ZNF721: variants seen among roughly 807,000 people sequenced by gnomAD.
ZNF721 encodes the protein zinc finger protein 721.
In ZNF721, 2 loss-of-function variants were observed where a neutral mutation model predicts 2.4. The ratio of observed to expected loss-of-function variants is 0.82; its 90% CI spans 0.34 to 2.58. The LOEUF (loss-of-function observed/expected upper bound fraction) is 2.58, where lower values mean the gene tolerates loss of function less well. ZNF721 is among the 30% of genes most tolerant of loss of function. The pLI, the probability that ZNF721 is intolerant of heterozygous loss-of-function variation, is 0.11. For synonymous variants in ZNF721, 398 were observed against 381.8 expected (o/e 1.04, Z -0.50); for missense variants, 1,187 against 1,085.5 (o/e 1.09, Z -1.31).
At chr4:450,957 ATATATATATAT>A (rs1315761822) in intron 2 of ZNF721, among the ~76,000 whole-genome samples, 1,145 of 33,578 alleles carry the variant, frequency 0.034, 61 homozygotes, top group East Asian at 0.071. Context: ...AAAAAAAAAA[ATATATATATAT>A]ATATATATAT....
chr4:460,105 C>T (rs1292364686), intron 2 of ZNF721, among the ~76,000 whole-genome samples: 3 of 152,118 alleles, frequency 2.0e-5, no homozygotes, highest in South Asian at 2.1e-4. Context: ...TAATAGACAT[C>T]GACAGAACTC....
At chr4:482,632 G>A (rs1715798477) in intron 1 of ZNF721, among the ~76,000 whole-genome samples, 1 of 151,836 alleles carries the variant, frequency 6.6e-6, no homozygotes, top group Admixed American at 6.6e-5. Context: ...GAGTGGCTGG[G>A]ACTACAAGCG....
At chr4:463,354 C>A (rs1715129374) in intron 2 of ZNF721, among the ~76,000 whole-genome samples, 1 of 152,136 alleles carries the variant, frequency 6.6e-6, no homozygotes, top group South Asian at 2.1e-4. Flanking sequence ...GTGGCGATTC[C>A]TCAAGGATCT....
At chr4:458,200 G>T (rs1714903455) in intron 2 of ZNF721, among the ~76,000 whole-genome samples, 1 of 152,218 alleles carries the variant, frequency 6.6e-6, no homozygotes, top group South Asian at 2.1e-4. Flanking sequence ...CTCAGTGCCA[G>T]TCATATTGAT....
At chr4:481,089 T>C (rs1715760181) in intron 1 of ZNF721, among the ~76,000 whole-genome samples, 2 of 152,062 alleles carry the variant, frequency 1.3e-5, no homozygotes. Context: ...ACCTGGCTGA[T>C]TTTTGTATTT....
In ZNF721 at chr4:441,586, G is replaced by A. The variant is rs1395029226; in HGVS notation, c.*109C>T. Reference sequence around the variant, plus strand: ...TATCTTATGATTAGAAAGGATTGAGGAGCATTTAAAGACCGCGACATTCGT... The same window carrying A: ...TATCTTATGATTAGAAAGGATTGAGAAGCATTTAAAGACCGCGACATTCGT... On this transcript the variant is annotated 3_prime_UTR_variant, in exon 3 of 3. Coordinates refer to ENST00000511833, the MANE Select transcript of ZNF721 (RefSeq NM_133474.4). The A allele has an allele frequency of 1.2e-6, 1 of 861,522 alleles. No individual in the cohort carries two copies. Among genetic ancestry groups the A allele is most frequent in the Non-Finnish European group, 1.8e-6 (1 of 570,144 alleles). 53.4% of individuals were successfully genotyped at this position (861,522 alleles called of 1,614,324 possible).
At chr4:462,102 A>G (rs911837466) in intron 2 of ZNF721, among the ~76,000 whole-genome samples, 3 of 152,214 alleles carry the variant, frequency 2.0e-5, no homozygotes, top group Non-Finnish European at 2.9e-5. Flanking sequence ...ACATTCCTAT[A>G]TACCAATAAT....
chr4:494,204 C>T (rs1553871897), intron 1 of ZNF721, among the ~76,000 whole-genome samples: 3 of 142,702 alleles, frequency 2.1e-5, no homozygotes, highest in African/African-American at 5.3e-5. Context: ...TTTTTTGAGA[C>T]GGAATCTCGC....
chr4:474,143 A>T, intron 1 of ZNF721: 17 of 816,956 alleles, frequency 2.1e-5, no homozygotes, highest in Middle Eastern at 2.7e-4. Flanking sequence ...CTGAAGCAAC[A>T]GGCCAAGGCC....
intron 2 of ZNF721, among the ~76,000 whole-genome samples, chr4:471,795 A>T (rs1295039990): frequency 1.3e-5 from 2 of 152,164 alleles, no homozygotes; most frequent in Non-Finnish European, 2.9e-5. Flanking sequence ...ATGTTGATCA[A>T]CTTGATTATA....
At chr4:497,076 T>C (rs1200838461) in intron 1 of ZNF721, among the ~76,000 whole-genome samples, 1 of 151,936 alleles carries the variant, frequency 6.6e-6, no homozygotes, top group Non-Finnish European at 1.5e-5. Flanking sequence ...ATGTTATCTT[T>C]AGTCATTTAA....
intron 2 of ZNF721, among the ~76,000 whole-genome samples, chr4:472,034 A>G (rs1553867747): frequency 6.6e-6 from 1 of 152,182 alleles, no homozygotes; most frequent in Admixed American, 6.5e-5. Flanking sequence ...CGTTTGTATC[A>G]ATTAAACTTT....
At chr4:467,267 T>C (rs1715283855) in intron 2 of ZNF721, among the ~76,000 whole-genome samples, 1 of 151,870 alleles carries the variant, frequency 6.6e-6, no homozygotes, top group African/African-American at 2.4e-5. Context: ...GGCTTACACA[T>C]ACAATGAAAA....
intron 2 of ZNF721, among the ~76,000 whole-genome samples, chr4:464,054 G>A (rs1715159629): frequency 6.6e-6 from 1 of 152,124 alleles, no homozygotes. Flanking sequence ...TTATAATAAA[G>A]AGAAATCATT....
chr4:444,542 C>T, intron 2 of ZNF721, 110 bp from the exon 3 acceptor site: 1 of 1,109,744 alleles, frequency 9.0e-7, no homozygotes, highest in Admixed American at 3.0e-5. Flanking sequence ...TAACAAAATA[C>T]CACAAGTCAT....
rs1714337401 is a variant in ZNF721 at position 443,283 on chromosome 4, CCA to C, written c.1182_1183del (p.Cys394TrpfsTer5). ...GTTTGTTGAACTATTAAAGGCTTTG[CCA>C]CACTCTTCACATTTGTAAGGTTTCT... On this transcript the variant is annotated frameshift_variant, in exon 3 of 3. Transcript: ENST00000511833. LOFTEE classifies it low-confidence loss of function (END_TRUNC). 6.2e-7 allele frequency: 1 copy of C among 1,613,884 alleles called. No individual in the cohort carries two copies. The highest frequency in any genetic ancestry group is 1.3e-5 in the African/African-American group (1 of 74,872).
chr4:448,769 A>ATT (rs1714559250), intron 2 of ZNF721, among the ~76,000 whole-genome samples: 1 of 152,246 alleles, frequency 6.6e-6, no homozygotes, highest in East Asian at 1.9e-4. Flanking sequence ...ATCTGCCAAA[A>ATT]ATACAAACTC....
chr4:457,875 C>T (rs1339095357), intron 2 of ZNF721, among the ~76,000 whole-genome samples: 2 of 152,204 alleles, frequency 1.3e-5, no homozygotes, highest in African/African-American at 4.8e-5. Context: ...GTCCTATAAC[C>T]AAGCTCTGGT....
chr4:469,976 G>T (rs1199459980), intron 2 of ZNF721, among the ~76,000 whole-genome samples: 1 of 152,098 alleles, frequency 6.6e-6, no homozygotes, highest in Non-Finnish European at 1.5e-5. Flanking sequence ...CCCGCCTCCC[G>T]GGTTCACGCC....
Sources: allele counts gnomAD v4.1 joint callset (sites outside exome capture counted in the v4.1 genomes callset), GRCh38; gene constraint gnomAD v4.1.1; transcripts MANE v1.5; gene names NCBI Gene and HGNC (gene_info 2026-07-23, HGNC 2026-07-21).